Variants in PPEF1 observed in about 807,000 individuals in gnomAD.
The protein encoded by PPEF1 is protein phosphatase with EF-hand domain 1.
Under a neutral mutation model 53.3 loss-of-function variants are expected in PPEF1, and 12 were observed. The observed-to-expected ratio is 0.23, with a 90% CI of 0.14 to 0.36. PPEF1 has a LOEUF of 0.36. Among genes scored for constraint, PPEF1 ranks in the 10% least tolerant of loss-of-function variants. PPEF1 has a pLI of 1.00. For missense variants in PPEF1, 334 were observed against 490.4 expected (o/e 0.68, Z 3.01); for synonymous variants, 165 against 176.7 (o/e 0.93, Z 0.52).
chrX:18,773,921 G>C (rs1451292584), intron 6 of PPEF1, among the ~76,000 whole-genome samples: 4 of 110,338 alleles, frequency 3.6e-5, no homozygotes, highest in Non-Finnish European at 7.6e-5. Flanking sequence ...CCATTATTAG[G>C]TTTTCCTTCC....
Position 18,826,816 on chromosome X carries a change from G to GA in PPEF1, c.1751-446dup, listed in dbSNP as rs755408497. ...CCTAATGCAGAGACCTTTGAACACC[G>GA]AAAAAAAAAAAAAATCAATGATCAA... On this transcript the variant is annotated intron_variant, in intron 15 of 15. Transcript: ENST00000470157. Among the ~76,000 whole-genome samples the GA allele has an allele frequency of 3.0e-3, 279 of 94,472 alleles. 1 individual carries two copies. The highest frequency in any genetic ancestry group is 7.2e-3 in the African/African-American group (188 of 26,116). 82.0% of individuals were successfully genotyped at this position (94,472 alleles called of 115,157 possible).
At chrX:18,722,818 G>C (rs1216835933) in intron 1 of PPEF1, among the ~76,000 whole-genome samples, 1 of 110,494 alleles carries the variant, frequency 9.1e-6, no homozygotes, top group Non-Finnish European at 1.9e-5. Flanking sequence ...TAGGCGATGA[G>C]GGGAGAGGAG....
At chrX:18,773,703 T>C (rs2147555205) in intron 6 of PPEF1, among the ~76,000 whole-genome samples, 1 of 112,199 alleles carries the variant, frequency 8.9e-6, no homozygotes, top group South Asian at 3.7e-4. Context: ...ACTTCTGACA[T>C]TTCTGGTAAA....
At chrX:18,826,506 AC>A (rs1372249666) in intron 15 of PPEF1, among the ~76,000 whole-genome samples, 2 of 91,957 alleles carry the variant, frequency 2.2e-5, no homozygotes, top group East Asian at 7.1e-4. Context: ...TCAGCTCACC[AC>A]AACCTCTGCC....
At chrX:18,813,182 C>A (rs2147725805) in intron 12 of PPEF1, among the ~76,000 whole-genome samples, 1 of 110,085 alleles carries the variant, frequency 9.1e-6, no homozygotes, top group South Asian at 3.9e-4. Flanking sequence ...AGATCAAGAC[C>A]AGCCTGGCCA....
intron 2 of PPEF1, among the ~76,000 whole-genome samples, chrX:18,684,902 C>T (rs767094675): frequency 1.8e-5 from 2 of 112,326 alleles, no homozygotes; most frequent in South Asian, 3.7e-4. Context: ...GCTGGGATTA[C>T]AGGCCTGAGC....
upstream of PPEF1, among the ~76,000 whole-genome samples, chrX:18,681,853 C>T (rs1928893641): frequency 9.0e-6 from 1 of 111,079 alleles, no homozygotes; most frequent in Non-Finnish European, 1.9e-5. Flanking sequence ...CAGCAATGCC[C>T]CATAGACAGG....
At chrX:18,792,265 T>C (rs1211531830) in intron 10 of PPEF1, among the ~76,000 whole-genome samples, 1 of 112,408 alleles carries the variant, frequency 8.9e-6, no homozygotes, top group Non-Finnish European at 1.9e-5. Flanking sequence ...TCTTCAAATG[T>C]TTGATAGAAT....
intron 10 of PPEF1, among the ~76,000 whole-genome samples, chrX:18,791,389 A>G (rs1203874043): frequency 8.9e-6 from 1 of 111,958 alleles, no homozygotes; most frequent in Non-Finnish European, 1.9e-5. Flanking sequence ...AATGTTTTTT[A>G]CCTTTCAGTA....
At chrX:18,686,692 A>G (rs2147231667) in intron 3 of PPEF1, among the ~76,000 whole-genome samples, 1 of 111,344 alleles carries the variant, frequency 9.0e-6, no homozygotes, top group African/African-American at 3.3e-5. Context: ...CAAGGAAGTT[A>G]GGGGACTATT....
intron 6 of PPEF1, among the ~76,000 whole-genome samples, chrX:18,768,590 C>CA (rs775320914): frequency 8.9e-6 from 1 of 112,618 alleles, no homozygotes; most frequent in African/African-American, 3.2e-5. Context: ...CTAATGCATT[C>CA]ATTCAGTAAA....
At chrX:18,688,251 G>A (rs1021785742) in intron 3 of PPEF1, among the ~76,000 whole-genome samples, 4 of 111,678 alleles carry the variant, frequency 3.6e-5, no homozygotes, top group Non-Finnish European at 5.6e-5. Context: ...TGGCTCTCTC[G>A]CCTACTTGTT....
intron 5 of PPEF1, among the ~76,000 whole-genome samples, chrX:18,759,869 TGTATA>T (rs760411511): frequency 4.5e-5 from 5 of 112,312 alleles, no homozygotes; most frequent in Admixed American, 9.4e-5. Flanking sequence ...TAAATTAAAT[TGTATA>T]GTAATTAAGT....
rs1258227537 is a variant in PPEF1, at chrX:18,818,110, C to G, written c.1466C>G (p.Thr489Ser). Residue 489 changes from threonine to serine, a missense_variant, in exon 13 of 16, where the codon ACT (threonine) becomes AGT (serine). By Grantham distance (58) the Thr-to-Ser change is moderately conservative. Coordinates refer to ENST00000470157, the MANE Select transcript of PPEF1 (RefSeq NM_001377996.1). Reference protein sequence around the residue: ...ERVISRKSDLTRAFQLQDHRK... With the variant: ...ERVISRKSDLSRAFQLQDHRK... Reference sequence around the variant, plus strand: ...GTGATTTCACGAAAAAGTGACCTTACTCGTGCTTTCCAACTTCAAGACCAC... The same window carrying G: ...GTGATTTCACGAAAAAGTGACCTTAGTCGTGCTTTCCAACTTCAAGACCAC... The G allele has an allele frequency of 8.3e-7, 1 of 1,201,184 alleles. No homozygotes were observed. Among genetic ancestry groups the G allele is most frequent in the African/African-American group, 1.8e-5 (1 of 56,760 alleles).
chrX:18,737,244 A>G (rs1187092172), intron 3 of PPEF1, among the ~76,000 whole-genome samples: 2 of 110,884 alleles, frequency 1.8e-5, no homozygotes, highest in African/African-American at 3.3e-5. Context: ...TATCTTTCCT[A>G]CTTTCTCTTG....
At chrX:18,680,219 C>T (rs914978857), upstream of PPEF1, among the ~76,000 whole-genome samples, 23 of 110,616 alleles carry the variant, frequency 2.1e-4, no homozygotes, top group Non-Finnish European at 3.8e-4. Context: ...GCTGCTGCTG[C>T]TGCTGCTGCT....
At chrX:18,736,164 T>G in intron 3 of PPEF1, among the ~76,000 whole-genome samples, 1 of 111,690 alleles carries the variant, frequency 9.0e-6, no homozygotes, top group Middle Eastern at 4.6e-3. Flanking sequence ...TCCAACACTA[T>G]GTTGAATAGG....
chrX:18,759,640 TTA>T (rs1313095024), intron 5 of PPEF1, among the ~76,000 whole-genome samples: 1 of 111,889 alleles, frequency 8.9e-6, no homozygotes, highest in Non-Finnish European at 1.9e-5. Context: ...CCTCCCATCT[TTA>T]TGTCCTTAGA....
At chrX:18,809,069 A>G (rs1321887363) in intron 12 of PPEF1, among the ~76,000 whole-genome samples, 1 of 102,260 alleles carries the variant, frequency 9.8e-6, no homozygotes. Context: ...TATATATTAT[A>G]TATATATAGA....
Sources: allele counts gnomAD v4.1 joint callset (sites outside exome capture counted in the v4.1 genomes callset), GRCh38; gene constraint gnomAD v4.1.1; transcripts MANE v1.5; gene names NCBI Gene and HGNC (gene_info 2026-07-23, HGNC 2026-07-21).